The following CRYZL1 variants were observed in gnomAD, a reference collection of about 807,000 sequenced individuals.
CRYZL1 encodes crystallin zeta like 1.
A neutral mutation model predicts 50.6 loss-of-function variants in CRYZL1; 34 were observed. The observed-to-expected ratio is 0.67, with a 90% CI of 0.51 to 0.89. The LOEUF (loss-of-function observed/expected upper bound fraction) is 0.89, where lower values mean the gene tolerates loss of function less well. CRYZL1 is among the 40% of genes least tolerant of loss of function. The probability of loss-of-function intolerance (pLI) is 0.00; values close to 1 mark genes in which losing one functional copy is unlikely to be tolerated. For synonymous variants in CRYZL1, 125 were observed against 134.3 expected, an observed-to-expected ratio of 0.93 and a Z score of 0.48; for missense variants, 354 against 402.3, an observed-to-expected ratio of 0.88 and a Z score of 1.03.
chr21:33,594,800 G>GC (rs2145916855), intron 11 of CRYZL1: 1 of 144,654 alleles, frequency 6.9e-6, no homozygotes, highest in South Asian at 2.2e-4. Context: ...GTGCCACCAT[G>GC]CCCGGCCTAC....
At chr21:33,635,878 G>A (rs1246144181) in intron 1 of CRYZL1, among the ~76,000 whole-genome samples, 1 of 151,980 alleles carries the variant, frequency 6.6e-6, no homozygotes, top group East Asian at 2.0e-4. Flanking sequence ...CTACTCGGGA[G>A]GCTGAGGCAG....
At chr21:33,638,950 T>C (rs2087243564) in intron 1 of CRYZL1, among the ~76,000 whole-genome samples, 1 of 152,194 alleles carries the variant, frequency 6.6e-6, no homozygotes. Flanking sequence ...CTCTTCTAAT[T>C]GTGACAATCT....
chr21:33,629,913 C>T (rs1218442173), intron 2 of CRYZL1, among the ~76,000 whole-genome samples: 2 of 152,032 alleles, frequency 1.3e-5, no homozygotes, highest in African/African-American at 2.4e-5. Flanking sequence ...TCATTCTATG[C>T]CTAATTTATG....
At chr21:33,604,471 G>T (rs1024498770) in intron 6 of CRYZL1, among the ~76,000 whole-genome samples, 1 of 149,638 alleles carries the variant, frequency 6.7e-6, no homozygotes, top group Non-Finnish European at 1.5e-5. Flanking sequence ...GGAGGTTGCA[G>T]TGAGCTAAGA....
chr21:33,627,378 C>T (rs531610794), intron 2 of CRYZL1, among the ~76,000 whole-genome samples: 14 of 152,254 alleles, frequency 9.2e-5, no homozygotes, highest in Admixed American at 3.9e-4. Flanking sequence ...GGATTACAGG[C>T]GTGTGCCACT....
At chr21:33,597,212 T>TA in intron 10 of CRYZL1, 68 bp downstream of exon 10, 11 of 1,481,070 alleles carry the variant, frequency 7.4e-6, no homozygotes, top group Non-Finnish European at 8.4e-6. Flanking sequence ...TCAAATAACT[T>TA]AGGCATTATT....
At chr21:33,594,997 C>CTT in intron 11 of CRYZL1, 1 of 192,844 alleles carries the variant, frequency 5.2e-6, no homozygotes, top group Non-Finnish European at 1.0e-5. Flanking sequence ...GTAATGATAA[C>CTT]TTTTTTTTTA....
Position 33,589,522 on chromosome 21 carries a change from A to G in CRYZL1, c.*300T>C, listed in dbSNP as rs960504153. The G allele has an allele frequency of 4.3e-6, 2 of 468,466 alleles. No individual in the cohort carries two copies. Among genetic ancestry groups the G allele is most frequent in the African/African-American group, 4.0e-5 (2 of 49,514 alleles). 29.0% of individuals were successfully genotyped at this position (468,466 alleles called of 1,614,324 possible). On this transcript the variant is annotated 3_prime_UTR_variant, in exon 13 of 13. Transcript: ENST00000381554. ...CAAGAGTAGTGTGACTTTTGCTGAA[A>G]GCAGCAGTTTTCTTCATGGAAGGAA...
Position 33,631,545 on chromosome 21 carries a change from C to T in CRYZL1, c.7G>A (p.Gly3Ser), listed in dbSNP as rs775683236. ...GTGGAACTCTGTTGGAAATATAAGCCTTTCATAGTCACCTAAAAATAAATA... is the reference window on the plus strand; with the variant it reads ...GTGGAACTCTGTTGGAAATATAAGCTTTTCATAGTCACCTAAAAATAAATA... MK[G>S]LYFQQSSTDE... The change falls in exon 2 of 13, where the codon GGC becomes AGC. Residue 3 changes from glycine (G) to serine (S), a missense_variant. By Grantham distance (56) the Gly-to-Ser change is moderately conservative (BLOSUM62 0). Transcript: ENST00000381554. 5 of 1,492,640 alleles carry T rather than the reference C, an allele frequency of 3.3e-6. No homozygotes were observed. The African/African-American group carries it at 4.4e-5, about 13-fold the overall frequency. The allele number at this position is 1,492,640 out of a possible 1,614,324, so 92.5% of individuals were successfully genotyped here.
intron 1 of CRYZL1, 109 bp from the exon 2 acceptor site, chr21:33,631,666 T>C (rs1342113867): frequency 6.7e-6 from 4 of 600,600 alleles, no homozygotes; most frequent in South Asian, 4.5e-5. Flanking sequence ...ACTACAAATG[T>C]AGTTTTCAAA....
At chr21:33,641,576 C>A (rs558737059) in intron 1 of CRYZL1, 105 bp downstream of exon 1, 9 of 341,264 alleles carry the variant, frequency 2.6e-5, no homozygotes, top group African/African-American at 1.9e-4. Context: ...GGGTTCGACG[C>A]GAACCACCAT....
chr21:33,589,527 C>G lies in CRYZL1; in HGVS notation c.*295G>C. The G allele has an allele frequency of 4.3e-6, 2 of 467,894 alleles. No homozygotes were observed. The highest frequency in any genetic ancestry group is 7.5e-6 in the Non-Finnish European group (2 of 266,642). 29.0% of individuals were successfully genotyped at this position (467,894 alleles called of 1,614,324 possible). A position where few individuals can be genotyped will look rare whatever the true frequency, so the allele number is the denominator to read the frequency against. Reference sequence around the variant, plus strand: ...GTAGTGTGACTTTTGCTGAAAGCAGCAGTTTTCTTCATGGAAGGAATTTTA... The same window carrying G: ...GTAGTGTGACTTTTGCTGAAAGCAGGAGTTTTCTTCATGGAAGGAATTTTA... On this transcript the variant is annotated 3_prime_UTR_variant, in exon 13 of 13. Coordinates refer to ENST00000381554, the MANE Select transcript of CRYZL1 (RefSeq NM_145858.3).
At position 33,626,419 on chromosome 21, in the gene CRYZL1, G is replaced by A. The variant is rs1007290656; in HGVS notation, c.67-1659C>T. Among the ~76,000 whole-genome samples, 10 of 152,146 alleles carry A rather than the reference G, an allele frequency of 6.6e-5. No homozygotes were observed. The East Asian group carries it at 9.7e-4, about 15-fold the overall frequency. ...TAGATAGAAATTCAAAAGCAAGGCC[G>A]GGCATGGGGGCTCACGCCTGTCATC... On this transcript the variant is annotated intron_variant, in intron 2 of 12. Coordinates refer to ENST00000381554, the MANE Select transcript of CRYZL1 (RefSeq NM_145858.3).
intron 11 of CRYZL1, among the ~76,000 whole-genome samples, chr21:33,594,310 C>T (rs1046556124): frequency 2.0e-5 from 3 of 151,008 alleles, no homozygotes; most frequent in African/African-American, 7.3e-5. Flanking sequence ...TGTGCCACCA[C>T]ACCCAACTAA....
At chr21:33,594,413 G>C (rs1368801151) in intron 11 of CRYZL1, 4 of 151,774 alleles carry the variant, frequency 2.6e-5, no homozygotes, top group Admixed American at 6.6e-5. Context: ...CCCCACCTCG[G>C]CCTCCCAAAG....
chr21:33,621,141 G>A (rs1044698292), intron 4 of CRYZL1, among the ~76,000 whole-genome samples: 3 of 149,474 alleles, frequency 2.0e-5, no homozygotes, highest in Non-Finnish European at 3.0e-5. Flanking sequence ...TCCTGACCTC[G>A]TGATCCGCCC....
chr21:33,625,457 C>A (rs1312563570), intron 2 of CRYZL1, among the ~76,000 whole-genome samples: 1 of 151,758 alleles, frequency 6.6e-6, no homozygotes, highest in African/African-American at 2.4e-5. Context: ...GCCCAGCAGG[C>A]CTTTACTAAT....
At chr21:33,634,479 ACACT>A (rs1177836853) in intron 1 of CRYZL1, among the ~76,000 whole-genome samples, 1 of 152,128 alleles carries the variant, frequency 6.6e-6, no homozygotes, top group Non-Finnish European at 1.5e-5. Flanking sequence ...ATCCCCAGTG[ACACT>A]CACTCCATTT....
At chr21:33,613,649 T>C (rs201687557) in intron 5 of CRYZL1, 43 bp from the exon 6 acceptor site, 3 of 1,395,908 alleles carry the variant, frequency 2.1e-6, no homozygotes, top group East Asian at 2.3e-5. Context: ...AAGTCAAAAA[T>C]TCATTCCTAA....
Sources: gnomAD v4.1 joint callset for allele counts (sites outside exome capture counted in the v4.1 genomes callset) on GRCh38, gnomAD v4.1.1 for gene constraint, MANE v1.5 for transcripts, NCBI Gene and HGNC (gene_info 2026-07-23, HGNC 2026-07-21) for gene names.